MACROD2: variants seen among roughly 807,000 people sequenced by gnomAD.
MACROD2 encodes the protein ADP-ribose glycohydrolase MACROD2.
A neutral mutation model predicts 70.4 loss-of-function variants in MACROD2; 36 were observed. The observed-to-expected ratio is 0.51, with a 90% CI of 0.39 to 0.68. The LOEUF (loss-of-function observed/expected upper bound fraction) is 0.68, where lower values mean the gene tolerates loss of function less well. Ranked by LOEUF, MACROD2 falls within the 30% of genes least tolerant of loss-of-function variation. The pLI is 0.00. For missense variants in MACROD2, 496 were observed against 538.4 expected, an observed-to-expected ratio of 0.92 and a Z score of 0.78; for synonymous variants, 172 against 178.8, an observed-to-expected ratio of 0.96 and a Z score of 0.30.
At chr20:15,846,947 A>ATATATG (rs2064239495) in intron 8 of MACROD2, among the ~76,000 whole-genome samples, 1 of 81,932 alleles carries the variant, frequency 1.2e-5, no homozygotes, top group Admixed American at 1.3e-4. Context: ...ATATATATAT[A>ATATATG]TATATGGCTT....
At chr20:15,940,565 T>C (rs1326556728) in intron 12 of MACROD2, among the ~76,000 whole-genome samples, 1 of 152,220 alleles carries the variant, frequency 6.6e-6, no homozygotes, top group Non-Finnish European at 1.5e-5. Context: ...AACCAAGTGG[T>C]GGCCGTCAAC....
chr20:15,440,848 A>T (rs2046486192), intron 7 of MACROD2, among the ~76,000 whole-genome samples: 1 of 152,034 alleles, frequency 6.6e-6, no homozygotes, highest in Non-Finnish European at 1.5e-5. Flanking sequence ...TGCTTTAAAA[A>T]CTTACTCTCA....
Position 16,041,214 on chromosome 20 carries a change from C to T in MACROD2, c.1167C>T (p.Asp389=). 1 of 1,611,684 alleles carries T rather than the reference C, an allele frequency of 6.2e-7. No individual in the cohort carries two copies. Among genetic ancestry groups the T allele is most frequent in the African/African-American group, 1.3e-5 (1 of 74,794 alleles). ...TTTCTCTTCCAGCTCCAGGCGAGGA[C>T]ACACCTAGGATGCCTGGGAAAAGTG... is the stretch of plus-strand genomic sequence containing the variant. The part of the protein sequence containing the change: ...EKEGEKAPGE[D]TPRMPGKSEG... Residue 389 remains aspartate (D), a synonymous_variant, in exon 16 of 18, where the codon GAC becomes GAT. Coordinates refer to ENST00000684519, the MANE Select transcript of MACROD2 (RefSeq NM_001351661.2).
chr20:15,696,349 T>C (rs897236341), intron 8 of MACROD2, among the ~76,000 whole-genome samples: 1 of 152,246 alleles, frequency 6.6e-6, no homozygotes, highest in Admixed American at 6.5e-5. Flanking sequence ...ATCTCATTTA[T>C]TGACTTGCAT....
chr20:15,746,834 G>A (rs917102583), intron 8 of MACROD2, among the ~76,000 whole-genome samples: 3 of 151,984 alleles, frequency 2.0e-5, no homozygotes, highest in African/African-American at 7.2e-5. Flanking sequence ...CCAGGGGTTC[G>A]AGTGGCCATG....
chr20:14,734,476 G>A (rs2071635929), intron 5 of MACROD2, among the ~76,000 whole-genome samples: 1 of 150,262 alleles, frequency 6.7e-6, no homozygotes, highest in South Asian at 2.1e-4. Flanking sequence ...ACTCCAGCCT[G>A]GGTAACAGAG....
chr20:14,731,649 C>A (rs527483453), intron 5 of MACROD2, among the ~76,000 whole-genome samples: 1 of 152,170 alleles, frequency 6.6e-6, no homozygotes, highest in South Asian at 2.1e-4. Context: ...GTGTGGGGAC[C>A]TCTGGAGGTC....
chr20:15,226,808 ATTTAT>A (rs1341837314), intron 5 of MACROD2, among the ~76,000 whole-genome samples: 1 of 152,058 alleles, frequency 6.6e-6, no homozygotes, highest in African/African-American at 2.4e-5. Context: ...TAAGCAGGAG[ATTTAT>A]TTTATAGGTA....
intron 4 of MACROD2, among the ~76,000 whole-genome samples, chr20:14,515,471 A>ACGCG (rs1182346144): frequency 2.3e-4 from 23 of 99,772 alleles, no homozygotes; most frequent in Admixed American, 1.1e-3. Context: ...ACACGCACAC[A>ACGCG]CACACACACA....
At chr20:15,638,208 C>T (rs2049399843) in intron 8 of MACROD2, among the ~76,000 whole-genome samples, 2 of 152,218 alleles carry the variant, frequency 1.3e-5, no homozygotes, top group African/African-American at 4.8e-5. Flanking sequence ...CACATGGAAG[C>T]ATGGCAACCT....
At chr20:14,286,753 C>T (rs996523014) in intron 3 of MACROD2, among the ~76,000 whole-genome samples, 26 of 152,072 alleles carry the variant, frequency 1.7e-4, no homozygotes, top group Admixed American at 1.6e-3. Flanking sequence ...AGCTTTATCT[C>T]GAAATGCTCT....
rs1278466442 is a variant in MACROD2, at chr20:14,511,440, A to AT, written c.301+17932_301+17933insT. Among the ~76,000 whole-genome samples the AT allele has an allele frequency of 4.6e-5, 7 of 152,192 alleles. No homozygotes were observed. The East Asian group carries it at 1.2e-3, about 25-fold the overall frequency. The stretch of plus-strand genomic sequence containing the variant: ...AGCATTAAACATTTAAAAATTAAAA[A>AT]ATATATATGTGCATACTCTTTAGGA... On this transcript the variant is annotated intron_variant, in intron 4 of 17. Transcript: ENST00000684519.
chr20:15,548,071 C>T (rs1438417372), intron 8 of MACROD2, among the ~76,000 whole-genome samples: 1 of 152,132 alleles, frequency 6.6e-6, no homozygotes, highest in African/African-American at 2.4e-5. Context: ...ACTTATCCAT[C>T]CCTATCCCCC....
chr20:15,349,522 C>G (rs1381175553), intron 6 of MACROD2, among the ~76,000 whole-genome samples: 1 of 152,024 alleles, frequency 6.6e-6, no homozygotes, highest in Non-Finnish European at 1.5e-5. Flanking sequence ...TTTGGGAGGC[C>G]AAGGTGGGTG....
At chr20:15,765,318 C>T (rs1425367739) in intron 8 of MACROD2, among the ~76,000 whole-genome samples, 1 of 152,166 alleles carries the variant, frequency 6.6e-6, no homozygotes, top group Non-Finnish European at 1.5e-5. Flanking sequence ...TCTGTTCTTT[C>T]CTGCTGAAAT....
intron 5 of MACROD2, among the ~76,000 whole-genome samples, chr20:15,151,551 T>C (rs1378824890): frequency 6.6e-6 from 1 of 151,944 alleles, no homozygotes; most frequent in Non-Finnish European, 1.5e-5. Flanking sequence ...GGGAGCAGAT[T>C]GGGTAATAAA....
chr20:15,204,582 C>G (rs530593638), intron 5 of MACROD2, among the ~76,000 whole-genome samples: 1 of 152,170 alleles, frequency 6.6e-6, no homozygotes, highest in South Asian at 2.1e-4. Flanking sequence ...ATGGAGTGCC[C>G]TTTTTCTGAA....
chr20:14,469,359 C>A (rs1046544179), intron 3 of MACROD2, among the ~76,000 whole-genome samples: 1 of 152,014 alleles, frequency 6.6e-6, no homozygotes, highest in African/African-American at 2.4e-5. Context: ...ATGCCCTTAA[C>A]ATTTTTTCCT....
chr20:15,233,969 T>TATATATATATATATA lies in MACROD2; in HGVS notation c.540+3908_540+3909insATATATATATATATA, dbSNP rs1568657296. Among the ~76,000 whole-genome samples, 21 of 56,112 alleles carry TATATATATATATATA rather than the reference T, an allele frequency of 3.7e-4. 1 individual carries two copies. The highest frequency in any genetic ancestry group is 5.9e-4 in the Non-Finnish European group (17 of 28,972). The allele number at this position is 56,112 out of a possible 152,430, so 36.8% of individuals were successfully genotyped here. ...ACCCTTGGATCCAAAAAATTTATTT[T>TATATATATATATATA]TATATATATTTATTTATATATATAT... is the stretch of plus-strand genomic sequence containing the variant. On this transcript the variant is annotated intron_variant, in intron 6 of 17. Transcript: ENST00000684519.
Sources: gnomAD v4.1 joint callset for allele counts (sites outside exome capture counted in the v4.1 genomes callset) on GRCh38, gnomAD v4.1.1 for gene constraint, MANE v1.5 for transcripts, NCBI Gene and HGNC (gene_info 2026-07-23, HGNC 2026-07-21) for gene names.